PTK7: variants seen among roughly 807,000 people sequenced by gnomAD.
PTK7 encodes inactive tyrosine-protein kinase 7.
Under a neutral mutation model 116.6 loss-of-function variants are expected in PTK7, and 39 were observed. The ratio of observed to expected loss-of-function variants is 0.33; its 90% confidence interval spans 0.26 to 0.44. The LOEUF is 0.44. Among genes scored for constraint, PTK7 ranks in the 20% least tolerant of loss-of-function variants. PTK7 has a pLI of 1.00. For missense variants in PTK7, 1,169 were observed against 1,425.6 expected, an observed-to-expected ratio of 0.82 and a Z score of 2.90; for synonymous variants, 546 against 563.6, an observed-to-expected ratio of 0.97 and a Z score of 0.44.
At chr6:43,151,691 C>G (rs939698039) in intron 17 of PTK7, among the ~76,000 whole-genome samples, 1 of 147,190 alleles carries the variant, frequency 6.8e-6, no homozygotes, top group Admixed American at 6.8e-5. Flanking sequence ...CGCCCGCCAC[C>G]ATGCCCGGCT....
rs777844136 is a variant in PTK7, at chr6:43,129,769, A to G, written c.410A>G (p.Glu137Gly). Reference protein sequence around the residue: ...GPVVLKHPASEAEIQPQTQVT... With the variant: ...GPVVLKHPASGAEIQPQTQVT... ...GTGGTCCTGAAGCATCCAGCCTCGG[A>G]AGCTGAGATCCAGCCACAGACCCAG... is the stretch of plus-strand genomic sequence containing the variant. The change falls in exon 3 of 20, where the codon GAA (glutamate) becomes GGA (glycine). Residue 137 changes from glutamate (E) to glycine (G), a missense_variant. Glu to Gly is a moderately conservative substitution (Grantham distance 98, BLOSUM62 -2). Around this residue, in one of 3 missense-constraint regions of PTK7, gnomAD observed 487 missense variants for 549.8 expected, o/e 0.89. Transcript: ENST00000230419. This position sits in a 1 kb window ranked among gnomAD's most constrained non-coding sequence, Gnocchi z 4.5. The G allele has an allele frequency of 3.7e-6, 6 of 1,614,064 alleles. No homozygotes were observed. Among genetic ancestry groups the G allele is most frequent in the Non-Finnish European group, 5.1e-6 (6 of 1,180,048 alleles).
At chr6:43,108,619 C>T (rs1233919981) in intron 1 of PTK7, among the ~76,000 whole-genome samples, 1 of 152,152 alleles carries the variant, frequency 6.6e-6, no homozygotes, top group African/African-American at 2.4e-5. Context: ...CCAGGCTGGT[C>T]TCGAACTCCT....
At chr6:43,119,906 C>T (rs1175937488) in intron 1 of PTK7, among the ~76,000 whole-genome samples, 4 of 152,148 alleles carry the variant, frequency 2.6e-5, no homozygotes, top group East Asian at 1.9e-4. Context: ...GGTCCTCCTT[C>T]CTGCATTCAC....
intron 7 of PTK7, among the ~76,000 whole-genome samples, chr6:43,134,218 T>G (rs559543114): frequency 6.6e-6 from 1 of 152,104 alleles, no homozygotes; most frequent in Non-Finnish European, 1.5e-5. Context: ...TTTGTATTTT[T>G]AGTAGAGGCG....
chr6:43,091,154 C>CT (rs35002545), intron 1 of PTK7, among the ~76,000 whole-genome samples: 14,283 of 133,046 alleles, frequency 0.11, 1,173 homozygotes, highest in East Asian at 0.32. Context: ...TCGGTTTCCT[C>CT]TTTTTTTTTT....
At position 43,132,481 on chromosome 6, in the gene PTK7, T is replaced by G; in HGVS notation, c.1022T>G (p.Val341Gly). The G allele has an allele frequency of 6.2e-7, 1 of 1,602,028 alleles. No homozygotes were observed. Among genetic ancestry groups the G allele is most frequent in the Non-Finnish European group, 8.5e-7 (1 of 1,170,518 alleles). The stretch of plus-strand genomic sequence containing the variant: ...TTTACAGCTGGCAGCGAGGAGCGTG[T>G]GACCTGCCTTCCCCCCAAGGGTCTG... ...RVFTAGSEER[V>G]TCLPPKGLPE... The change falls in exon 7 of 20, where the codon GTG (valine) becomes GGG (glycine). Residue 341 changes from valine (V) to glycine (G), a missense_variant. Around this residue, in one of 3 missense-constraint regions of PTK7, gnomAD observed 487 missense variants for 549.8 expected, o/e 0.89. Coordinates refer to ENST00000230419, the MANE Select transcript of PTK7 (RefSeq NM_002821.5).
At chr6:43,103,420 C>G (rs1767690212) in intron 1 of PTK7, among the ~76,000 whole-genome samples, 1 of 151,958 alleles carries the variant, frequency 6.6e-6, no homozygotes, top group African/African-American at 2.4e-5. Context: ...GTTAGGCAGA[C>G]TTACTCCCTT....
intron 1 of PTK7, among the ~76,000 whole-genome samples, chr6:43,115,294 A>T (rs1768442490): frequency 6.6e-6 from 1 of 152,188 alleles, no homozygotes; most frequent in Admixed American, 6.5e-5. Flanking sequence ...TTAATGCATT[A>T]AAATATACAT....
chr6:43,096,106 C>T (rs1237960146), intron 1 of PTK7, among the ~76,000 whole-genome samples: 3 of 152,174 alleles, frequency 2.0e-5, no homozygotes, highest in Admixed American at 1.3e-4. Context: ...CTCCCGCCAG[C>T]GGCTGGCCTC....
intron 19 of PTK7, among the ~76,000 whole-genome samples, chr6:43,160,370 G>A (rs1026079310): frequency 6.6e-6 from 1 of 152,058 alleles, no homozygotes; most frequent in Non-Finnish European, 1.5e-5. Flanking sequence ...CACCCGCCTC[G>A]GCCTCCCAAA....
In PTK7 at chr6:43,143,387, C is replaced by T. The variant is rs765803173; in HGVS notation, c.2048-30C>T. The T allele has an allele frequency of 1.0e-5, 16 of 1,604,470 alleles. No individual in the cohort carries two copies. Among genetic ancestry groups the T allele is most frequent in the Non-Finnish European group, 1.4e-5 (16 of 1,175,484 alleles). On this transcript the variant is annotated intron_variant, in intron 13 of 19. Coordinates refer to ENST00000230419, the MANE Select transcript of PTK7 (RefSeq NM_002821.5). The surrounding 1 kb of genome is among the most constrained non-coding windows in gnomAD (Gnocchi z 4.2). ...GCAGGGCTTCTTTTGCTTAGCAGCC[C>T]CTGCCCAGACCCATCTGTGTGTCTC...
chr6:43,137,439 A>G (rs1770106025), intron 7 of PTK7, among the ~76,000 whole-genome samples: 1 of 152,216 alleles, frequency 6.6e-6, no homozygotes, highest in Non-Finnish European at 1.5e-5. Flanking sequence ...CTGACTAGAT[A>G]GTTCTATTGA....
At chr6:43,119,351 C>T (rs1173707099) in intron 1 of PTK7, among the ~76,000 whole-genome samples, 4 of 152,142 alleles carry the variant, frequency 2.6e-5, no homozygotes, top group African/African-American at 2.4e-5. Flanking sequence ...GAAAATTAAT[C>T]ATTAAACTAA....
rs751799522 is a variant in PTK7 at position 43,143,421 on chromosome 6, G to A, written c.2052G>A (p.Lys684=). Residue 684 remains lysine, a synonymous_variant, in exon 14 of 20, where the codon AAG becomes AAA. Transcript: ENST00000230419. This position sits in a 1 kb window ranked among gnomAD's most constrained non-coding sequence, Gnocchi z 4.2. ...ACCCATCTGTGTGTCTCTCAGACAA[G>A]CCTGTGCCGGAGGAGTCGGAGGGCC... ...HTEAPLYVVD[K]PVPEESEGPG... 3 of 1,613,702 alleles carry A rather than the reference G, an allele frequency of 1.9e-6. No individual in the cohort carries two copies. Among genetic ancestry groups the A allele is most frequent in the Non-Finnish European group, 2.5e-6 (3 of 1,179,980 alleles).
chr6:43,076,394 C>T lies in PTK7; in HGVS notation c.-95C>T. 9.9e-7 allele frequency: 1 copy of T among 1,013,258 alleles called. No individual in the cohort carries two copies. The highest frequency in any genetic ancestry group is 3.5e-4 in the Middle Eastern group (1 of 2,824). 62.8% of individuals were successfully genotyped at this position (1,013,258 alleles called of 1,614,324 possible). Reference sequence around the variant, plus strand: ...CCGGCTGCGGCTGCTGCTGCGGCGCCCGCGCTCCGGTGCGCTCCGCCTCCT... The same window carrying T: ...CCGGCTGCGGCTGCTGCTGCGGCGCTCGCGCTCCGGTGCGCTCCGCCTCCT... On this transcript the variant is annotated 5_prime_UTR_variant, in exon 1 of 20. Coordinates refer to ENST00000230419, the MANE Select transcript of PTK7 (RefSeq NM_002821.5). The surrounding 1 kb of genome is among the most constrained non-coding windows in gnomAD (Gnocchi z 5.7).
At chr6:43,155,048 G>T (rs1771342068) in intron 17 of PTK7, among the ~76,000 whole-genome samples, 1 of 152,230 alleles carries the variant, frequency 6.6e-6, no homozygotes, top group African/African-American at 2.4e-5. Flanking sequence ...TCACCAAATG[G>T]CCCTTCCCCT....
In PTK7 at chr6:43,145,148, A is replaced by C; in HGVS notation, c.2408-52A>C. Reference sequence around the variant, plus strand: ...GGCTAGGCCCCTCCCCCAGGTCAGGAGCTGCCTCGGCCTGGGTGAAGGTGG... The same window carrying C: ...GGCTAGGCCCCTCCCCCAGGTCAGGCGCTGCCTCGGCCTGGGTGAAGGTGG... On this transcript the variant is annotated intron_variant, in intron 15 of 19. Transcript: ENST00000230419. The surrounding 1 kb of genome is among the most constrained non-coding windows in gnomAD (Gnocchi z 4.8). The C allele has an allele frequency of 6.6e-7, 1 of 1,505,834 alleles. No homozygotes were observed. The highest frequency in any genetic ancestry group is 9.0e-7 in the Non-Finnish European group (1 of 1,111,604). The allele number at this position is 1,505,834 out of a possible 1,614,324, so 93.3% of individuals were successfully genotyped here. A position where few individuals can be genotyped will look rare whatever the true frequency, so the allele number is the denominator to read the frequency against.
Position 43,118,102 on chromosome 6 carries a change from CT to C in PTK7, c.80-10855del, listed in dbSNP as rs10591741. ...GCCAGAAGCAGGTGGTCAGATGGGC[CT>C]TTTTTTTTTTTTTTTTTTTGAGGGT... On this transcript the variant is annotated intron_variant, in intron 1 of 19. Coordinates refer to ENST00000230419, the MANE Select transcript of PTK7 (RefSeq NM_002821.5). Among the ~76,000 whole-genome samples, 468 of 123,116 alleles carry C rather than the reference CT, an allele frequency of 3.8e-3. 1 individual carries two copies. Among genetic ancestry groups the C allele is most frequent in the Middle Eastern group, 8.1e-3 (2 of 248 alleles). The allele number at this position is 123,116 out of a possible 152,430, so 80.8% of individuals were successfully genotyped here.
intron 7 of PTK7, among the ~76,000 whole-genome samples, chr6:43,138,206 G>A (rs1216096857): frequency 6.6e-6 from 1 of 151,256 alleles, no homozygotes; most frequent in Non-Finnish European, 1.5e-5. Context: ...TAGAGATGGG[G>A]GTTTCACTCT....
Sources: allele counts gnomAD v4.1 joint callset (sites outside exome capture counted in the v4.1 genomes callset), GRCh38; gene constraint gnomAD v4.1.1; regional missense constraint gnomAD v4.1.1; non-coding constraint Gnocchi (gnomAD v3.1); transcripts MANE v1.5; gene names NCBI Gene and HGNC (gene_info 2026-07-23, HGNC 2026-07-21).